Variants in AKIRIN1 observed in about 807,000 individuals in gnomAD.
AKIRIN1 encodes akirin-1.
AKIRIN1 carries 4 observed loss-of-function variants against 25.9 expected under a neutral mutation model. The observed-to-expected ratio is 0.15, with a 90% CI of 0.08 to 0.35. The LOEUF (loss-of-function observed/expected upper bound fraction) is 0.35, where lower values mean the gene tolerates loss of function less well. Ranked by LOEUF, AKIRIN1 falls within the 10% of genes least tolerant of loss-of-function variation. AKIRIN1 has a pLI of 1.00. For synonymous variants in AKIRIN1, 125 were observed against 105.1 expected (o/e 1.19, Z -1.16); for missense variants, 243 against 266.1 (o/e 0.91, Z 0.61).
chr1:38,991,446 C>T lies in AKIRIN1; in HGVS notation c.66C>T (p.Ser22=). Residue 22 remains serine (S), a synonymous_variant, in exon 1 of 5, where the codon TCC becomes TCT. Coordinates refer to ENST00000432648, the MANE Select transcript of AKIRIN1 (RefSeq NM_024595.3). ...EFEAALLSPG[S]PKRRRCAPLP... ...AGGCGGCGCTGCTGAGCCCCGGCTC[C>T]CCGAAGCGGCGGCGCTGCGCCCCTC... The T allele has an allele frequency of 7.3e-7, 1 of 1,373,372 alleles. No individual in the cohort carries two copies. The highest frequency in any genetic ancestry group is 1.7e-5 in the South Asian group (1 of 60,598). The allele number at this position is 1,373,372 out of a possible 1,614,324, so 85.1% of individuals were successfully genotyped here.
At chr1:38,991,673 T>TGGGG (rs2148063158) in intron 1 of AKIRIN1, 73 bp downstream of exon 1, 3 of 269,416 alleles carry the variant, frequency 1.1e-5, no homozygotes, top group Non-Finnish European at 1.8e-5. Context: ...TGGGGGAGGG[T>TGGGG]TGGGAATACC....
chr1:39,006,039 A>G lies in AKIRIN1; in HGVS notation c.*1984A>G, dbSNP rs1644032099. ...CAACAGTGATTTTTTTTTAATAATT[A>G]AAGAATGATTTTACTTTGTATTTGA... On this transcript the variant is annotated 3_prime_UTR_variant, in exon 5 of 5. Transcript: ENST00000432648. 6.6e-6 allele frequency: 1 copy of G among 151,532 alleles called. No individual in the cohort carries two copies. Among genetic ancestry groups the G allele is most frequent in the African/African-American group, 2.4e-5 (1 of 41,264 alleles). 9.4% of individuals were successfully genotyped at this position (151,532 alleles called of 1,614,324 possible).
rs1201626391 is a variant in AKIRIN1 at position 39,005,172 on chromosome 1, G to A, written c.*1117G>A. 1 of 152,262 alleles carries A rather than the reference G, an allele frequency of 6.6e-6. No homozygotes were observed. The highest frequency in any genetic ancestry group is 1.5e-5 in the Non-Finnish European group (1 of 68,124). 9.4% of individuals were successfully genotyped at this position (152,262 alleles called of 1,614,324 possible). A position where few individuals can be genotyped will look rare whatever the true frequency, so the allele number is the denominator to read the frequency against. On this transcript the variant is annotated 3_prime_UTR_variant, in exon 5 of 5. Coordinates refer to ENST00000432648, the MANE Select transcript of AKIRIN1 (RefSeq NM_024595.3). ...AATACAACAAAGTTAGCCGGGCGTG[G>A]TGGCAGGCGTCTGTAATCCCAGCTG...
chr1:39,000,072 C>T (rs1052232021), intron 2 of AKIRIN1, among the ~76,000 whole-genome samples: 9 of 151,780 alleles, frequency 5.9e-5, no homozygotes, highest in Admixed American at 1.3e-4. Context: ...TTAGTAGAGG[C>T]GGGATTTCAC....
rs142520254 is a variant in AKIRIN1 at position 39,001,062 on chromosome 1, A to T, written c.452A>T (p.Lys151Ile). ...CGCCTCTTAAAAGACTATGAAGATA[A>T]AATTCGGGAGGAGTATGAGCAAATC... ...CERLLKDYEDKIREEYEQILN... is the reference protein window; with the variant it reads ...CERLLKDYEDIIREEYEQILN... The change falls in exon 3 of 5, where the codon AAA becomes ATA. Residue 151 changes from lysine to isoleucine, a missense_variant. Around this residue, in one of 3 missense-constraint regions of AKIRIN1, gnomAD observed 190 missense variants for 174.4 expected, o/e 1.09. Transcript: ENST00000432648. 4.0e-4 allele frequency: 650 copies of T among 1,613,902 alleles called. 3 individuals carry two copies. The African/African-American group carries it at 7.9e-3, about 20-fold the overall frequency.
intron 1 of AKIRIN1, among the ~76,000 whole-genome samples, chr1:38,996,527 T>C (rs944308808): frequency 4.9e-5 from 7 of 142,512 alleles, no homozygotes; most frequent in African/African-American, 1.6e-4. Context: ...TTTTTTGTTT[T>C]GTTTTTCTAT....
chr1:38,996,016 AG>A (rs1643945685), intron 1 of AKIRIN1, among the ~76,000 whole-genome samples: 1 of 152,222 alleles, frequency 6.6e-6, no homozygotes, highest in Admixed American at 6.5e-5. Context: ...CCTGGGCGAC[AG>A]GGTAAGACTC....
At chr1:38,997,032 G>T (rs1000015835) in intron 1 of AKIRIN1, among the ~76,000 whole-genome samples, 3 of 151,640 alleles carry the variant, frequency 2.0e-5, no homozygotes, top group Admixed American at 1.3e-4. Flanking sequence ...AAGAAGTAAA[G>T]ATCCTGAATA....
chr1:38,991,921 C>T (rs1038989717), intron 1 of AKIRIN1, among the ~76,000 whole-genome samples: 4 of 143,452 alleles, frequency 2.8e-5, no homozygotes, highest in African/African-American at 1.0e-4. Context: ...CTCCGCTGGC[C>T]GGGTCTGCAC....
rs1327668201 is a variant in AKIRIN1 at position 38,991,608 on chromosome 1, G to A, written c.220+8G>A. Reference sequence around the variant, plus strand: ...GGCGCCTTCCAACTCCGGGTAACCTGCCCTGCTCTGGGTTTGGCAGGAAGC... The same window carrying A: ...GGCGCCTTCCAACTCCGGGTAACCTACCCTGCTCTGGGTTTGGCAGGAAGC... On this transcript the variant is annotated splice_region_variant and intron_variant, in intron 1 of 4. Coordinates refer to ENST00000432648, the MANE Select transcript of AKIRIN1 (RefSeq NM_024595.3). 12 of 1,088,282 alleles carry A rather than the reference G, an allele frequency of 1.1e-5. No individual in the cohort carries two copies. The highest frequency in any genetic ancestry group is 5.9e-5 in the Admixed American group (1 of 16,926). The allele number at this position is 1,088,282 out of a possible 1,614,324, so 67.4% of individuals were successfully genotyped here. A position where few individuals can be genotyped will look rare whatever the true frequency, so the allele number is the denominator to read the frequency against.
At chr1:38,993,483 T>G (rs60452427) in intron 1 of AKIRIN1, among the ~76,000 whole-genome samples, 53,738 of 151,456 alleles carry the variant, frequency 0.35, 10,046 homozygotes, top group Non-Finnish European at 0.39. Flanking sequence ...TATTTTTGTT[T>G]TGGGGGCAGT....
chr1:38,999,784 A>G (rs895147635), intron 2 of AKIRIN1, among the ~76,000 whole-genome samples: 4 of 152,252 alleles, frequency 2.6e-5, no homozygotes, highest in African/African-American at 7.2e-5. Flanking sequence ...CAAATGGCCA[A>G]AGAAACAGAT....
chr1:39,000,921 A>G (rs1197175862), intron 2 of AKIRIN1, 51 bp from the exon 3 acceptor site: 2 of 1,564,056 alleles, frequency 1.3e-6, no homozygotes, highest in African/African-American at 1.4e-5. Flanking sequence ...TGCTGGGATT[A>G]TAGGTGTGAA....
At chr1:38,997,477 C>T (rs555382439) in intron 1 of AKIRIN1, among the ~76,000 whole-genome samples, 2 of 152,260 alleles carry the variant, frequency 1.3e-5, no homozygotes, top group East Asian at 3.9e-4. Flanking sequence ...GTTTCTGCTG[C>T]CCCCTTTCCC....
chr1:38,994,843 C>G (rs899646026), intron 1 of AKIRIN1, among the ~76,000 whole-genome samples: 39 of 152,006 alleles, frequency 2.6e-4, no homozygotes, highest in African/African-American at 9.4e-4. Context: ...GCGCATGCCA[C>G]CATTCTCAGC....
chr1:38,998,289 A>G lies in AKIRIN1; in HGVS notation c.339A>G (p.Ala113=). 1.2e-6 allele frequency: 2 copies of G among 1,612,022 alleles called. No homozygotes were observed. Among genetic ancestry groups the G allele is most frequent in the Non-Finnish European group, 1.7e-6 (2 of 1,179,112 alleles). ...CGGAAAGTCAACCTCACTCCTCAGC[A>G]CTCACAGCACCTAGCTCTCCAGGTA... is the stretch of plus-strand genomic sequence containing the variant. ...CASESQPHSS[A]LTAPSSPGSS... is the part of the protein sequence containing the mutation. Residue 113 remains alanine, a synonymous_variant, in exon 2 of 5, where the codon GCA becomes GCG. Transcript: ENST00000432648.
chr1:39,000,886 A>G, intron 2 of AKIRIN1, 86 bp from the exon 3 acceptor site: 1 of 1,423,098 alleles, frequency 7.0e-7, no homozygotes, highest in Non-Finnish European at 9.4e-7. Context: ...ACCTCAGATG[A>G]TCCGCCTGCC....
At chr1:38,993,113 T>C (rs1570970133) in intron 1 of AKIRIN1, among the ~76,000 whole-genome samples, 1 of 152,364 alleles carries the variant, frequency 6.6e-6, no homozygotes, top group East Asian at 1.9e-4. Context: ...ACTTGCGCTA[T>C]CTTTTGTTGA....
In AKIRIN1 at chr1:39,004,426, GTTA is replaced by G. The variant is rs374677838; in HGVS notation, c.*377_*379del. 9.7e-4 allele frequency: 309 copies of G among 318,128 alleles called. 2 individuals are homozygous for G. The highest frequency in any genetic ancestry group is 5.2e-3 in the African/African-American group (239 of 45,978). 19.7% of individuals were successfully genotyped at this position (318,128 alleles called of 1,614,324 possible). On this transcript the variant is annotated 3_prime_UTR_variant, in exon 5 of 5. Coordinates refer to ENST00000432648, the MANE Select transcript of AKIRIN1 (RefSeq NM_024595.3). Reference sequence around the variant, plus strand: ...GTATATGTGTGTATGTGTATTTTAAGTTATTATTTGTATTGTGCAAAAATTTTT... The same window carrying G: ...GTATATGTGTGTATGTGTATTTTAAGTTATTTGTATTGTGCAAAAATTTTT...
Sources: allele counts gnomAD v4.1 joint callset (sites outside exome capture counted in the v4.1 genomes callset), GRCh38; gene constraint gnomAD v4.1.1; regional missense constraint gnomAD v4.1.1; transcripts MANE v1.5; gene names NCBI Gene and HGNC (gene_info 2026-07-23, HGNC 2026-07-21).